Variants in BCAS3 observed in about 807,000 individuals in gnomAD.
The protein encoded by BCAS3 is BCAS3 microtubule associated cell migration factor, also known as BCAS4/BCAS3 fusion.
BCAS3 carries 53 observed loss-of-function variants against 116.1 expected under a neutral mutation model. The ratio of observed to expected loss-of-function variants is 0.46; its 90% CI spans 0.37 to 0.57. The LOEUF (loss-of-function observed/expected upper bound fraction) is 0.57, where lower values mean the gene tolerates loss of function less well. Ranked by LOEUF, BCAS3 falls within the 20% of genes least tolerant of loss-of-function variation. The pLI is 0.00. For missense variants in BCAS3, 917 were observed against 1,165.4 expected, an observed-to-expected ratio of 0.79 and a Z score of 3.10; for synonymous variants, 391 against 408.2, an observed-to-expected ratio of 0.96 and a Z score of 0.51.
chr17:60,964,081 C>T lies in BCAS3; in HGVS notation c.1221+16729C>T, dbSNP rs548342535. Among the ~76,000 whole-genome samples the T allele has an allele frequency of 5.3e-5, 8 of 152,196 alleles. No homozygotes were observed. The highest frequency in any genetic ancestry group is 1.9e-4 in the East Asian group (1 of 5,184). The stretch of plus-strand genomic sequence containing the variant: ...GACTGGCAGTATTATGTTGAGTAAC[C>T]GTAGTGAGAGTGGACATACTCGTCT... On this transcript the variant is annotated intron_variant, in intron 14 of 23. Coordinates refer to ENST00000407086, the MANE Select transcript of BCAS3 (RefSeq NM_017679.5). This position sits in a 1 kb window ranked among gnomAD's most constrained non-coding sequence, Gnocchi z 4.6.
intron 22 of BCAS3, among the ~76,000 whole-genome samples, chr17:61,260,477 G>A (rs1391029744): frequency 6.6e-6 from 1 of 152,170 alleles, no homozygotes; most frequent in African/African-American, 2.4e-5. Context: ...GTTATAAAAT[G>A]CCCTGCCACT....
intron 19 of BCAS3, among the ~76,000 whole-genome samples, chr17:61,044,467 T>C (rs531095926): frequency 8.2e-6 from 1 of 121,500 alleles, no homozygotes; most frequent in Non-Finnish European, 1.6e-5. Context: ...AAAAAAAAAA[T>C]ATATATATAT....
intron 4 of BCAS3, among the ~76,000 whole-genome samples, chr17:60,707,333 G>T (rs898955111): frequency 4.2e-4 from 64 of 152,078 alleles, no homozygotes; most frequent in Admixed American, 5.2e-4. Context: ...TCGCCATGTT[G>T]CCCAGGCTGG....
intron 5 of BCAS3, among the ~76,000 whole-genome samples, chr17:60,732,023 C>T (rs1299205948): frequency 6.6e-6 from 1 of 152,094 alleles, no homozygotes; most frequent in Admixed American, 6.5e-5. Flanking sequence ...GATCCGCCAG[C>T]CTCTGCCTCC....
At chr17:60,918,859 A>G (rs1170769535) in intron 12 of BCAS3, among the ~76,000 whole-genome samples, 1 of 151,582 alleles carries the variant, frequency 6.6e-6, no homozygotes. Context: ...TGCCCAACTA[A>G]TTTTGTGTAT....
intron 22 of BCAS3, among the ~76,000 whole-genome samples, chr17:61,109,323 G>A (rs908725507): frequency 4.9e-5 from 7 of 144,274 alleles, no homozygotes; most frequent in Non-Finnish European, 7.6e-5. Context: ...GTGTATACAC[G>A]CCACATTTTC....
rs2053513328 is a variant in BCAS3, at chr17:61,302,247, T to C, written c.2426-66080T>C. ...ACTTTCCTCATCTTGTCTCTTAATG[T>C]CACATCAGAATGTACCACGGAATCT... On this transcript the variant is annotated intron_variant, in intron 22 of 23. Transcript: ENST00000407086. The surrounding 1 kb of genome is among the most constrained non-coding windows in gnomAD (Gnocchi z 4.4). Among the ~76,000 whole-genome samples, 1 of 152,212 alleles carries C rather than the reference T, an allele frequency of 6.6e-6. No individual in the cohort carries two copies. Among genetic ancestry groups the C allele is most frequent in the South Asian group, 2.1e-4 (1 of 4,828 alleles).
At chr17:60,702,998 G>T (rs2036610451) in intron 4 of BCAS3, among the ~76,000 whole-genome samples, 1 of 152,144 alleles carries the variant, frequency 6.6e-6, no homozygotes, top group Non-Finnish European at 1.5e-5. Context: ...ATGCAGGCTG[G>T]GCGCGGTGGC....
intron 5 of BCAS3, among the ~76,000 whole-genome samples, chr17:60,740,498 C>CAA (rs774901641): frequency 0.014 from 845 of 58,290 alleles, 22 homozygotes; most frequent in African/African-American, 0.042. Flanking sequence ...GACCCTGTCT[C>CAA]AAAAAAAAAA....
In BCAS3 at chr17:61,131,004, C is replaced by G. The variant is rs1430506403; in HGVS notation, c.2425+46440C>G. On this transcript the variant is annotated intron_variant, in intron 22 of 23. Coordinates refer to ENST00000407086, the MANE Select transcript of BCAS3 (RefSeq NM_017679.5). This position sits in a 1 kb window ranked among gnomAD's most constrained non-coding sequence, Gnocchi z 4.4. Reference sequence around the variant, plus strand: ...CTGGGAGGCGGAGGTTGCAGTGAGCCGAGATTGCGCCACTGCACTCCAGTC... The same window carrying G: ...CTGGGAGGCGGAGGTTGCAGTGAGCGGAGATTGCGCCACTGCACTCCAGTC... 1 of 152,010 alleles carries G rather than the reference C, an allele frequency of 6.6e-6. No homozygotes were observed. Among genetic ancestry groups the G allele is most frequent in the Admixed American group, 6.6e-5 (1 of 15,244 alleles). 9.4% of individuals were successfully genotyped at this position (152,010 alleles called of 1,614,324 possible).
chr17:60,856,329 T>G (rs2053668630), intron 7 of BCAS3, among the ~76,000 whole-genome samples: 1 of 152,156 alleles, frequency 6.6e-6, no homozygotes, highest in Admixed American at 6.5e-5. Context: ...CAGACATATA[T>G]TATATGAAAA....
intron 7 of BCAS3, among the ~76,000 whole-genome samples, chr17:60,822,752 T>C (rs2050072654): frequency 1.3e-5 from 2 of 152,206 alleles, no homozygotes; most frequent in South Asian, 4.1e-4. Context: ...GTTCTTGCGG[T>C]GTCCCCTCTC....
intron 5 of BCAS3, among the ~76,000 whole-genome samples, chr17:60,725,171 C>T (rs1177302564): frequency 6.6e-6 from 1 of 152,108 alleles, no homozygotes; most frequent in African/African-American, 2.4e-5. Context: ...AGCACCATTT[C>T]CTGAAAAGAC....
intron 11 of BCAS3, among the ~76,000 whole-genome samples, chr17:60,905,997 G>T (rs1290695919): frequency 3.9e-5 from 6 of 152,200 alleles, no homozygotes; most frequent in African/African-American, 1.4e-4. Context: ...AAGGTAAGAG[G>T]GAACCTCTCG....
rs1303199204 is a variant in BCAS3 at position 61,126,051 on chromosome 17, A to C, written c.2425+41487A>C. Among the ~76,000 whole-genome samples, 2 of 152,172 alleles carry C rather than the reference A, an allele frequency of 1.3e-5. No individual in the cohort carries two copies. Among genetic ancestry groups the C allele is most frequent in the Non-Finnish European group, 2.9e-5 (2 of 68,010 alleles). On this transcript the variant is annotated intron_variant, in intron 22 of 23. Transcript: ENST00000407086. The surrounding 1 kb of genome is among the most constrained non-coding windows in gnomAD (Gnocchi z 4.6). ...GTTATTGGGAATTCTGAGTAATGTG[A>C]AATGTATGTGAATTGGAAGCAGTAA...
At chr17:60,866,601 T>C (rs1443044715) in intron 7 of BCAS3, among the ~76,000 whole-genome samples, 1 of 152,236 alleles carries the variant, frequency 6.6e-6, no homozygotes, top group Non-Finnish European at 1.5e-5. Flanking sequence ...AGTTCATGTA[T>C]GATAGGTATA....
intron 22 of BCAS3, among the ~76,000 whole-genome samples, chr17:61,340,174 G>A (rs372576923): frequency 5.3e-5 from 8 of 152,008 alleles, no homozygotes; most frequent in East Asian, 1.9e-4. Flanking sequence ...AAATGGGGGC[G>A]GTAACTAGAA....
chr17:60,708,780 A>G (rs2037497452), intron 4 of BCAS3, among the ~76,000 whole-genome samples: 1 of 152,096 alleles, frequency 6.6e-6, no homozygotes, highest in African/African-American at 2.4e-5. Context: ...TGCCTGCCCC[A>G]GCCTCCCAAA....
intron 5 of BCAS3, among the ~76,000 whole-genome samples, chr17:60,715,418 A>G (rs115500461): frequency 0.031 from 4,741 of 151,806 alleles, 237 homozygotes; most frequent in African/African-American, 0.1. Flanking sequence ...TCTTTCTTTC[A>G]TCACTCTTTC....
Sources: gnomAD v4.1 joint callset for allele counts (sites outside exome capture counted in the v4.1 genomes callset) on GRCh38, gnomAD v4.1.1 for gene constraint, Gnocchi (gnomAD v3.1) non-coding constraint, MANE v1.5 for transcripts, NCBI Gene and HGNC (gene_info 2026-07-23, HGNC 2026-07-21) for gene names.